Variants in ZNF789 observed in about 807,000 individuals in gnomAD.
The protein encoded by ZNF789 is zinc finger protein 789.
A neutral mutation model predicts 15.6 loss-of-function variants in ZNF789; 11 were observed. That is an observed-to-expected ratio of 0.70 (90% confidence interval 0.44 to 1.16). The LOEUF (loss-of-function observed/expected upper bound fraction) is 1.16. Among genes scored for constraint, ZNF789 ranks in the 50% most tolerant of loss-of-function variants. The pLI is 0.00. For synonymous variants in ZNF789, 159 were observed against 176.0 expected, an observed-to-expected ratio of 0.90 and a Z score of 0.76; for missense variants, 461 against 512.6, an observed-to-expected ratio of 0.90 and a Z score of 0.97.
At chr7:99,474,443 A>C (rs1308750543) in intron 1 of ZNF789, among the ~76,000 whole-genome samples, 1 of 151,976 alleles carries the variant, frequency 6.6e-6, no homozygotes, top group African/African-American at 2.4e-5. Context: ...AAATACAAAA[A>C]ATTAGCGGGG....
Position 99,482,302 on chromosome 7 carries a change from A to G in ZNF789, c.152-1728A>G, listed in dbSNP as rs564360118. The G allele has an allele frequency of 2.8e-5, 21 of 762,614 alleles. No individual in the cohort carries two copies. The East Asian group carries it at 3.2e-4, about 11-fold the overall frequency. The allele number at this position is 762,614 out of a possible 1,614,324, so 47.2% of individuals were successfully genotyped here. A position where few individuals can be genotyped will look rare whatever the true frequency, so the allele number is the denominator to read the frequency against. Reference sequence around the variant, plus strand: ...GGTATGAACATTGTTCAGGCTTTCAATAAAGACTGCCAGATATTTACAAAG... The same window carrying G: ...GGTATGAACATTGTTCAGGCTTTCAGTAAAGACTGCCAGATATTTACAAAG... On this transcript the variant is annotated intron_variant, in intron 3 of 4. Coordinates refer to ENST00000331410, the MANE Select transcript of ZNF789 (RefSeq NM_213603.3).
Position 99,486,879 on chromosome 7 carries a change from C to T in ZNF789, c.669C>T (p.His223=). 1 of 1,614,162 alleles carries T rather than the reference C, an allele frequency of 6.2e-7. No individual in the cohort carries two copies. Among genetic ancestry groups the T allele is most frequent in the Non-Finnish European group, 8.5e-7 (1 of 1,180,034 alleles). The part of the protein sequence containing the change: ...KAWFDQHQRI[H]FLENPFECKV... Reference sequence around the variant, plus strand: ...GGTTTGATCAACATCAAAGAATTCACTTTTTAGAGAATCCTTTTGAGTGTA... The same window carrying T: ...GGTTTGATCAACATCAAAGAATTCATTTTTTAGAGAATCCTTTTGAGTGTA... Residue 223 remains histidine (H), a synonymous_variant, in exon 5 of 5, where the codon CAC becomes CAT. Transcript: ENST00000331410.
intron 1 of ZNF789, 45 bp downstream of exon 1, chr7:99,473,101 G>A (rs2272167): frequency 6.6e-6 from 1 of 152,216 alleles, no homozygotes; most frequent in Admixed American, 6.5e-5. Flanking sequence ...GTGGGTGCGG[G>A]GGGTAGGCCA....
Position 99,485,147 on chromosome 7 carries a change from C to T in ZNF789, c.265+1004C>T, listed in dbSNP as rs1198724357. On this transcript the variant is annotated intron_variant, in intron 4 of 4. Coordinates refer to ENST00000331410, the MANE Select transcript of ZNF789 (RefSeq NM_213603.3). ...TTGTTCCCTTGCTTTGTTTTGTTTT[C>T]ATATTACTCCCGTATTTCCTGACAT... is the stretch of plus-strand genomic sequence containing the variant. The T allele has an allele frequency of 2.6e-6, 4 of 1,529,304 alleles. No homozygotes were observed. The African/African-American group carries it at 4.1e-5, about 16-fold the overall frequency. 94.7% of individuals were successfully genotyped at this position (1,529,304 alleles called of 1,614,324 possible).
chr7:99,486,928 C>CA lies in ZNF789; in HGVS notation c.719dup (p.Arg241AlafsTer8). ...TAAGGTCTGTGGGCAAGCCTTCAGA[C>CA]AGCGGTCAGCTCTTACGGTCCATAA... On this transcript the variant is annotated frameshift_variant, in exon 5 of 5. Coordinates refer to ENST00000331410, the MANE Select transcript of ZNF789 (RefSeq NM_213603.3). LOFTEE classifies it low-confidence loss of function (END_TRUNC). The CA allele has an allele frequency of 6.2e-7, 1 of 1,614,168 alleles. No homozygotes were observed. Among genetic ancestry groups the CA allele is most frequent in the Non-Finnish European group, 8.5e-7 (1 of 1,180,050 alleles).
Position 99,476,497 on chromosome 7 carries a change from C to A in ZNF789, c.24+17C>A, listed in dbSNP as rs373312717. The A allele has an allele frequency of 2.2e-5, 35 of 1,611,126 alleles. No individual in the cohort carries two copies. Among genetic ancestry groups the A allele is most frequent in the South Asian group, 4.4e-5 (4 of 90,248 alleles). On this transcript the variant is annotated intron_variant, in intron 2 of 4. Coordinates refer to ENST00000331410, the MANE Select transcript of ZNF789 (RefSeq NM_213603.3). The stretch of plus-strand genomic sequence containing the variant: ...AGGGGGAAGGTGAGCTGTGCCTCCC[C>A]CTCTGCTTCATCAGCATAGTCACTG...
intron 2 of ZNF789, 73 bp from the exon 3 acceptor site, chr7:99,479,588 C>T: frequency 6.7e-7 from 1 of 1,495,426 alleles, no homozygotes; most frequent in Non-Finnish European, 8.9e-7. Flanking sequence ...CCTTGGTTTC[C>T]TCAGCTGTGG....
At chr7:99,477,536 C>T (rs1438888294) in intron 2 of ZNF789, among the ~76,000 whole-genome samples, 4 of 152,150 alleles carry the variant, frequency 2.6e-5, no homozygotes, top group Non-Finnish European at 4.4e-5. Flanking sequence ...GACAGGGTTA[C>T]ACCATGTTGC....
chr7:99,474,366 G>A (rs1455241096), intron 1 of ZNF789, among the ~76,000 whole-genome samples: 12 of 152,146 alleles, frequency 7.9e-5, no homozygotes, highest in African/African-American at 2.9e-4. Flanking sequence ...AGGCCAAGGC[G>A]GGAGGATCAC....
chr7:99,479,897 G>GT, intron 3 of ZNF789, 110 bp downstream of exon 3: 2 of 1,442,514 alleles, frequency 1.4e-6, no homozygotes, highest in Non-Finnish European at 1.8e-6. Context: ...AAACCGAAAG[G>GT]TTTTTTTATA....
At chr7:99,476,913 C>T (rs149994882) in intron 2 of ZNF789, among the ~76,000 whole-genome samples, 139 of 152,260 alleles carry the variant, frequency 9.1e-4, no homozygotes, top group African/African-American at 3.3e-3. Context: ...GAGATTACAA[C>T]CTGATTAGAG....
intron 3 of ZNF789, among the ~76,000 whole-genome samples, chr7:99,483,094 G>A (rs1004199167): frequency 2.0e-5 from 3 of 151,414 alleles, no homozygotes; most frequent in Non-Finnish European, 2.9e-5. Flanking sequence ...GCTGGGCGTG[G>A]TGGCCACATG....
At position 99,487,019 on chromosome 7, in the gene ZNF789, C is replaced by T. The variant is rs1007158506; in HGVS notation, c.809C>T (p.Ala270Val). 8.7e-6 allele frequency: 14 copies of T among 1,614,018 alleles called. No homozygotes were observed. Among genetic ancestry groups the T allele is most frequent in the East Asian group, 2.2e-5 (1 of 44,892 alleles). The stretch of plus-strand genomic sequence containing the variant: ...TGTGGAAAGTGTTTTCGGCAGCTCG[C>T]GTATCTTGTTGAACATAAGAGGATT... The part of the protein sequence containing the change: ...HDCGKCFRQL[A>V]YLVEHKRIHT... The change falls in exon 5 of 5, where the codon GCG becomes GTG. Residue 270 changes from alanine (A) to valine (V), a missense_variant. By Grantham distance (64) the Ala-to-Val change is moderately conservative (BLOSUM62 0). Transcript: ENST00000331410.
intron 4 of ZNF789, among the ~76,000 whole-genome samples, chr7:99,484,797 C>T (rs1207318001): frequency 1.3e-5 from 2 of 151,866 alleles, no homozygotes; most frequent in Admixed American, 6.6e-5. Flanking sequence ...GGTGTGGTGG[C>T]GCATGCCTGT....
At chr7:99,478,224 ACT>A in intron 2 of ZNF789, 1 of 1,239,830 alleles carries the variant, frequency 8.1e-7, no homozygotes, top group Non-Finnish European at 1.1e-6. Context: ...TGCCACAATG[ACT>A]CTGGGAGATG....
intron 3 of ZNF789, chr7:99,483,607 G>C (rs930778150): frequency 1.5e-6 from 1 of 685,778 alleles, no homozygotes; most frequent in African/African-American, 1.8e-5. Context: ...CTGGGTGACA[G>C]AGCAAGACTC....
chr7:99,487,557 A>G lies in ZNF789; in HGVS notation c.*69A>G, dbSNP rs1800043758. ...CTCTACTTCAAGTGTGTATCACGTA[A>G]TTGTTTCCATGAAAAGCAATAAATG... On this transcript the variant is annotated 3_prime_UTR_variant, in exon 5 of 5. Transcript: ENST00000331410. The G allele has an allele frequency of 6.6e-7, 1 of 1,508,284 alleles. No homozygotes were observed. Among genetic ancestry groups the G allele is most frequent in the South Asian group, 1.3e-5 (1 of 75,824 alleles). The allele number at this position is 1,508,284 out of a possible 1,614,324, so 93.4% of individuals were successfully genotyped here.
chr7:99,484,722 C>T (rs949288176), intron 4 of ZNF789, among the ~76,000 whole-genome samples: 2 of 151,854 alleles, frequency 1.3e-5, no homozygotes, highest in African/African-American at 4.8e-5. Flanking sequence ...TGAGCCCAGG[C>T]GTTCAGGATC....
intron 2 of ZNF789, chr7:99,478,327 T>C (rs1799439844): frequency 7.8e-7 from 1 of 1,289,442 alleles, no homozygotes. Context: ...GCAGCGCAGC[T>C]CTGGTAAAAG....
Sources: allele counts gnomAD v4.1 joint callset (sites outside exome capture counted in the v4.1 genomes callset), GRCh38; gene constraint gnomAD v4.1.1; transcripts MANE v1.5; gene names NCBI Gene and HGNC (gene_info 2026-07-23, HGNC 2026-07-21).